WDR41: variants seen among roughly 807,000 people sequenced by gnomAD.
WDR41 encodes the protein WD repeat-containing protein 41.
In WDR41, 63 loss-of-function variants were observed where a neutral mutation model predicts 69.3. The observed-to-expected ratio is 0.91, with a 90% CI of 0.74 to 1.12. WDR41 has a LOEUF of 1.12. Among genes scored for constraint, WDR41 ranks in the 50% most tolerant of loss-of-function variants. The pLI is 0.00. For synonymous variants in WDR41, 185 were observed against 192.1 expected, an observed-to-expected ratio of 0.96 and a Z score of 0.31; for missense variants, 543 against 534.5, an observed-to-expected ratio of 1.02 and a Z score of -0.16.
chr5:77,512,355 A>AGAGAGAGAGAGT (rs1335024335), intron 1 of WDR41, among the ~76,000 whole-genome samples: 13 of 119,320 alleles, frequency 1.1e-4, no homozygotes, highest in South Asian at 2.8e-4. Flanking sequence ...AGAGAGAGTG[A>AGAGAGAGAGAGT]GTGTGTGTGT....
chr5:77,562,430 C>T (rs1020420644), intron 1 of WDR41, among the ~76,000 whole-genome samples: 9 of 152,184 alleles, frequency 5.9e-5, no homozygotes, highest in Non-Finnish European at 1.2e-4. Flanking sequence ...GAATATGTAT[C>T]TGCACTGTTA....
intron 1 of WDR41, among the ~76,000 whole-genome samples, chr5:77,548,007 A>C (rs1304350358): frequency 6.6e-6 from 1 of 151,518 alleles, no homozygotes; most frequent in Non-Finnish European, 1.5e-5. Context: ...ATCTTCAACA[A>C]AGCAAACAAA....
rs187601087 is a variant in WDR41 at position 77,577,750 on chromosome 5, T to C, written c.42+42729A>G. 1.5e-3 allele frequency among the ~76,000 whole-genome samples: 226 copies of C among 152,264 alleles called. 2 individuals carry two copies. Among genetic ancestry groups the C allele is most frequent in the African/African-American group, 5.3e-3 (222 of 41,566 alleles). On this transcript the variant is annotated intron_variant, in intron 1 of 5. Coordinates refer to the WDR41 transcript ENST00000509971. ...AGCTCACCTGTGATCAGAACAAATA[T>C]CAAACACTGACCTCAGAAACTACAG...
chr5:77,530,865 G>T (rs559730955), intron 1 of WDR41, among the ~76,000 whole-genome samples: 13 of 151,796 alleles, frequency 8.6e-5, no homozygotes, highest in African/African-American at 3.1e-4. Flanking sequence ...AGGTAAGATG[G>T]ATTGATGAAT....
At chr5:77,474,556 T>C (rs969258684) in intron 2 of WDR41, among the ~76,000 whole-genome samples, 13 of 152,282 alleles carry the variant, frequency 8.5e-5, no homozygotes, top group African/African-American at 3.1e-4. Flanking sequence ...CGTCAAAGCA[T>C]TTTCAGGAGC....
At chr5:77,521,442 C>T (rs1802369929) in intron 1 of WDR41, among the ~76,000 whole-genome samples, 1 of 152,188 alleles carries the variant, frequency 6.6e-6, no homozygotes, top group South Asian at 2.1e-4. Flanking sequence ...TTGGAGACTC[C>T]TACTTAAAGG....
upstream of WDR41, among the ~76,000 whole-genome samples, chr5:77,493,993 C>T (rs892777894): frequency 3.3e-5 from 5 of 150,376 alleles, no homozygotes; most frequent in African/African-American, 9.8e-5. Context: ...TTATTGGGCA[C>T]ACAATGTATA....
intron 1 of WDR41, among the ~76,000 whole-genome samples, chr5:77,609,095 C>G (rs1047753157): frequency 6.6e-6 from 1 of 152,190 alleles, no homozygotes; most frequent in Admixed American, 6.5e-5. Context: ...AGCAGCGAGG[C>G]TGGGGGAGGG....
intron 1 of WDR41, among the ~76,000 whole-genome samples, chr5:77,555,679 TAACA>T (rs1743377439): frequency 6.6e-6 from 1 of 152,166 alleles, no homozygotes; most frequent in Non-Finnish European, 1.5e-5. Context: ...GAAATGAATC[TAACA>T]AACAATGGGT....
chr5:77,492,358 A>T (rs920871944), upstream of WDR41: 6 of 1,159,662 alleles, frequency 5.2e-6, no homozygotes, highest in South Asian at 7.6e-5. Context: ...CCACGGGCCG[A>T]AGGAATGCAG....
chr5:77,610,068 T>G lies in WDR41; in HGVS notation c.42+10411A>C, dbSNP rs550269535. 4.0e-5 allele frequency among the ~76,000 whole-genome samples: 6 copies of G among 151,876 alleles called. No individual in the cohort carries two copies. The South Asian group carries it at 1.3e-3, about 32-fold the overall frequency. On this transcript the variant is annotated intron_variant, in intron 1 of 5. Transcript: ENST00000509971. Reference sequence around the variant, plus strand: ...AAGAAAGGGTATCAGTGATGGAAGATGAAATGAATGAAATGAAGTGAGAAG... The same window carrying G: ...AAGAAAGGGTATCAGTGATGGAAGAGGAAATGAATGAAATGAAGTGAGAAG...
At chr5:77,455,666 T>C (rs570085118) in intron 5 of WDR41, among the ~76,000 whole-genome samples, 12 of 152,198 alleles carry the variant, frequency 7.9e-5, no homozygotes, top group Non-Finnish European at 1.2e-4. Flanking sequence ...ATTTTGTATG[T>C]GGATGTCCAA....
In WDR41 at chr5:77,431,561, G is replaced by A. The variant is rs1038859130; in HGVS notation, c.*1574C>T. ...AGGTACGCCTGTATAATGACCAGAAGGAATTTGCTGTGGTACTTACGGTAC... is the reference window on the plus strand; with the variant it reads ...AGGTACGCCTGTATAATGACCAGAAAGAATTTGCTGTGGTACTTACGGTAC... On this transcript the variant is annotated 3_prime_UTR_variant, in exon 13 of 13. Transcript: ENST00000296679. 1 of 152,062 alleles carries A rather than the reference G, an allele frequency of 6.6e-6. No homozygotes were observed. The highest frequency in any genetic ancestry group is 1.5e-5 in the Non-Finnish European group (1 of 68,024). The allele number at this position is 152,062 out of a possible 1,614,324, so 9.4% of individuals were successfully genotyped here.
chr5:77,438,467 C>T, intron 9 of WDR41, 106 bp from the exon 10 acceptor site: 1 of 1,463,498 alleles, frequency 6.8e-7, no homozygotes, highest in Non-Finnish European at 9.2e-7. Flanking sequence ...TTACCTTTCC[C>T]ATTCCTAGCC....
intron 2 of WDR41, among the ~76,000 whole-genome samples, chr5:77,478,122 C>A (rs1435351137): frequency 6.6e-6 from 1 of 152,024 alleles, no homozygotes; most frequent in Non-Finnish European, 1.5e-5. Flanking sequence ...AAGACTAAAC[C>A]AGGAAGAAGT....
upstream of WDR41, among the ~76,000 whole-genome samples, chr5:77,497,076 T>C (rs552984360): frequency 2.0e-5 from 3 of 152,324 alleles, no homozygotes; most frequent in Non-Finnish European, 2.9e-5. Context: ...CCTTATCTTA[T>C]ACCATACACA....
intron 1 of WDR41, among the ~76,000 whole-genome samples, chr5:77,497,476 G>A (rs904026932): frequency 2.0e-5 from 3 of 152,062 alleles, no homozygotes; most frequent in African/African-American, 7.2e-5. Context: ...GTATATGAAT[G>A]GTCATTAAGC....
chr5:77,490,209 CCGCCTCGGCCTCCCA>C (rs1801711292), intron 1 of WDR41, among the ~76,000 whole-genome samples: 1 of 152,098 alleles, frequency 6.6e-6, no homozygotes, highest in South Asian at 2.1e-4. Flanking sequence ...AGTGATTCGC[CCGCCTCGGCCTCCCA>C]AAGTGCTGGG....
intron 1 of WDR41, among the ~76,000 whole-genome samples, chr5:77,523,406 A>G (rs1056019684): frequency 1.8e-4 from 28 of 152,218 alleles, no homozygotes; most frequent in Non-Finnish European, 2.9e-4. Flanking sequence ...CTACTTTACA[A>G]CTTTTCTGAG....
Sources: gnomAD v4.1 joint callset for allele counts (sites outside exome capture counted in the v4.1 genomes callset) on GRCh38, gnomAD v4.1.1 for gene constraint, MANE v1.5 for transcripts, NCBI Gene and HGNC (gene_info 2026-07-23, HGNC 2026-07-21) for gene names.